Variants in SPDYE10 observed in about 807,000 individuals in gnomAD.
SPDYE10 encodes speedy/RINGO cell cycle regulator family member E10.
At chr7:73,135,730 G>A in the SPDYE10 span, among the ~76,000 whole-genome samples, 2 of 60,650 alleles carry the variant, frequency 3.3e-5, no homozygotes, top group Admixed American at 1.8e-4. Flanking sequence ...CCACCATGCC[G>A]GGCTAATTTT....
chr7:73,141,388 G>A, the SPDYE10 span, among the ~76,000 whole-genome samples: 4 of 144,796 alleles, frequency 2.8e-5, no homozygotes. Context: ...AAATATGGGA[G>A]GCTGAGGAGG....
chr7:73,123,591 T>G, the SPDYE10 span, among the ~76,000 whole-genome samples: 1 of 152,152 alleles, frequency 6.6e-6, no homozygotes, highest in African/African-American at 2.4e-5. Flanking sequence ...CTCACCCTCC[T>G]GGGATTACAG....
chr7:73,147,808 T>A, the SPDYE10 span, among the ~76,000 whole-genome samples: 5 of 144,184 alleles, frequency 3.5e-5, no homozygotes, highest in African/African-American at 1.4e-4. Flanking sequence ...TTTTTGTTTG[T>A]TTGTTTGTTT....
chr7:73,120,999 G>A, the SPDYE10 span, among the ~76,000 whole-genome samples: 1 of 150,064 alleles, frequency 6.7e-6, no homozygotes, highest in South Asian at 2.1e-4. Context: ...ATTTTTAGTA[G>A]AGATGGGGTT....
chr7:73,115,271 A>G, the SPDYE10 span, among the ~76,000 whole-genome samples: 2 of 152,128 alleles, frequency 1.3e-5, no homozygotes, highest in Non-Finnish European at 2.9e-5. Flanking sequence ...CTGATGCACA[A>G]TTTATTTGAA....
chr7:73,111,594 T>C, the SPDYE10 span, among the ~76,000 whole-genome samples: 27 of 38,530 alleles, frequency 7.0e-4, no homozygotes, highest in African/African-American at 2.9e-3. Flanking sequence ...GGTTTCACCA[T>C]GTTGGCCAGG....
the SPDYE10 span, among the ~76,000 whole-genome samples, chr7:73,141,125 C>T: frequency 4.0e-5 from 6 of 151,692 alleles, no homozygotes; most frequent in Admixed American, 6.6e-5. Flanking sequence ...CAAAATTAGC[C>T]GGCGTGAGGC....
At chr7:73,115,045 C>G in the SPDYE10 span, among the ~76,000 whole-genome samples, 7 of 152,108 alleles carry the variant, frequency 4.6e-5, no homozygotes, top group Non-Finnish European at 7.3e-5. Context: ...TACAGGCACC[C>G]ACCACCACGT....
chr7:73,122,940 G>A, the SPDYE10 span, among the ~76,000 whole-genome samples: 1 of 152,212 alleles, frequency 6.6e-6, no homozygotes, highest in African/African-American at 2.4e-5. Flanking sequence ...ATCAGGAGGA[G>A]CCGGTGGCCA....
chr7:73,127,622 T>G, the SPDYE10 span, among the ~76,000 whole-genome samples: 23 of 70,658 alleles, frequency 3.3e-4, no homozygotes, highest in Middle Eastern at 9.6e-3. Flanking sequence ...GGGAAGGGAA[T>G]GGAAGGGAAG....
At chr7:73,135,528 T>A in the SPDYE10 span, among the ~76,000 whole-genome samples, 2 of 131,630 alleles carry the variant, frequency 1.5e-5, no homozygotes, top group Admixed American at 1.6e-4. Context: ...TTCTTTCTTT[T>A]CTTTTTTTTT....
At chr7:73,116,953 T>C in the SPDYE10 span, among the ~76,000 whole-genome samples, 1 of 151,956 alleles carries the variant, frequency 6.6e-6, no homozygotes, top group African/African-American at 2.4e-5. Flanking sequence ...TGGAGTGCAG[T>C]GGTGCAATCT....
the SPDYE10 span, among the ~76,000 whole-genome samples, chr7:73,142,772 G>T: frequency 2.0e-5 from 3 of 152,152 alleles, no homozygotes; most frequent in African/African-American, 7.2e-5. Context: ...CCCCATCTCC[G>T]CTATACAAAA....
chr7:73,138,209 T>C, the SPDYE10 span, among the ~76,000 whole-genome samples: 1 of 150,924 alleles, frequency 6.6e-6, no homozygotes, highest in African/African-American at 2.4e-5. Context: ...GAAAAAGGAG[T>C]GGCCTCTGCC....
chr7:73,149,893 A>G, the SPDYE10 span, among the ~76,000 whole-genome samples: 2 of 80,330 alleles, frequency 2.5e-5, no homozygotes, highest in African/African-American at 6.0e-5. Context: ...AGATTTGCCA[A>G]TACCCCATTG....
At chr7:73,123,272 C>T in the SPDYE10 span, among the ~76,000 whole-genome samples, 1 of 152,098 alleles carries the variant, frequency 6.6e-6, no homozygotes, top group South Asian at 2.1e-4. Context: ...GAAGGCCCCT[C>T]CCCCAGGGGC....
chr7:73,131,696 G>A, the SPDYE10 span, among the ~76,000 whole-genome samples: 1 of 150,390 alleles, frequency 6.6e-6, no homozygotes, highest in Non-Finnish European at 1.5e-5. Flanking sequence ...CACCACATCT[G>A]GCTAATTTTT....
the SPDYE10 span, among the ~76,000 whole-genome samples, chr7:73,115,227 G>A: frequency 6.6e-6 from 1 of 152,192 alleles, no homozygotes; most frequent in Non-Finnish European, 1.5e-5. Flanking sequence ...GTCACCTGGT[G>A]CCTCTGAACT....
At chr7:73,114,338 C>T in the SPDYE10 span, among the ~76,000 whole-genome samples, 5,005 of 122,328 alleles carry the variant, frequency 0.041, 20 homozygotes, top group Middle Eastern at 0.087. Flanking sequence ...TCACCAGGAG[C>T]GGAGCTGCTG....
Sources: gnomAD v4.1 joint callset for allele counts (sites outside exome capture counted in the v4.1 genomes callset) on GRCh38, gnomAD v4.1.1 for gene constraint, MANE v1.5 for transcripts, NCBI Gene and HGNC (gene_info 2026-07-23, HGNC 2026-07-21) for gene names.